The following LOXL2 variants were observed in gnomAD, a reference collection of about 807,000 sequenced individuals.
The protein encoded by LOXL2 is lysyl oxidase homolog 2.
LOXL2 carries 70 observed loss-of-function variants against 93.0 expected under a neutral mutation model. That is an observed-to-expected ratio of 0.75 (90% CI 0.62 to 0.92). The LOEUF (loss-of-function observed/expected upper bound fraction) is 0.92. Among genes scored for constraint, LOXL2 ranks in the 40% least tolerant of loss-of-function variants. The pLI, the probability that LOXL2 is intolerant of heterozygous loss-of-function variation, is 0.00. For synonymous variants in LOXL2, 438 were observed against 413.2 expected (o/e 1.06, Z -0.73); for missense variants, 973 against 1,054.9 (o/e 0.92, Z 1.08).
At chr8:23,370,242 T>TCCATC (rs1804473892) in intron 1 of LOXL2, among the ~76,000 whole-genome samples, 1 of 152,068 alleles carries the variant, frequency 6.6e-6, no homozygotes, top group Admixed American at 6.6e-5. Context: ...ACAACGCGCC[T>TCCATC]CCATCCCCTC....
intron 1 of LOXL2, among the ~76,000 whole-genome samples, chr8:23,396,676 A>T (rs1249503133): frequency 6.6e-6 from 1 of 152,258 alleles, no homozygotes; most frequent in African/African-American, 2.4e-5. Flanking sequence ...CAGATTATTA[A>T]CTGTGTTCTT....
intron 3 of LOXL2, among the ~76,000 whole-genome samples, chr8:23,355,287 G>T (rs73224479): frequency 0.13 from 18,831 of 150,276 alleles, 1,457 homozygotes; most frequent in Admixed American, 0.18. Context: ...CATGGTAGTA[G>T]TTCAAGTATT....
At chr8:23,341,305 C>A in intron 3 of LOXL2, 102 bp from the exon 4 acceptor site, 1 of 954,984 alleles carries the variant, frequency 1.0e-6, no homozygotes, top group Non-Finnish European at 1.6e-6. Context: ...CCAGGCCTGC[C>A]GCGGGCCTGC....
chr8:23,355,977 T>C (rs1268385787), intron 3 of LOXL2, among the ~76,000 whole-genome samples: 3 of 152,124 alleles, frequency 2.0e-5, no homozygotes, highest in Non-Finnish European at 4.4e-5. Context: ...ACTGTTTTTT[T>C]CCCCATGAAC....
At chr8:23,313,661 G>C (rs74836369) in intron 9 of LOXL2, among the ~76,000 whole-genome samples, 100,863 of 149,298 alleles carry the variant, frequency 0.68, 34,796 homozygotes, top group South Asian at 0.84. Context: ...ATGGATTAAA[G>C]ACTTAAACAT....
At chr8:23,348,488 A>T (rs1180795518) in intron 3 of LOXL2, among the ~76,000 whole-genome samples, 1 of 151,904 alleles carries the variant, frequency 6.6e-6, no homozygotes, top group Non-Finnish European at 1.5e-5. Flanking sequence ...GAATCACTTG[A>T]GCCCAGGAGT....
chr8:23,376,769 TG>T (rs1804600441), intron 1 of LOXL2, among the ~76,000 whole-genome samples: 1 of 152,244 alleles, frequency 6.6e-6, no homozygotes, highest in South Asian at 2.1e-4. Flanking sequence ...TGTATTTCTG[TG>T]GGATCAGTGG....
chr8:23,385,529 G>A (rs890374132), intron 1 of LOXL2, among the ~76,000 whole-genome samples: 3 of 151,880 alleles, frequency 2.0e-5, no homozygotes, highest in Non-Finnish European at 4.4e-5. Context: ...CAAAGTGCTG[G>A]GATTACAGGC....
At chr8:23,402,169 T>C (rs572949755) in intron 1 of LOXL2, among the ~76,000 whole-genome samples, 4 of 151,808 alleles carry the variant, frequency 2.6e-5, no homozygotes, top group Admixed American at 2.0e-4. Context: ...TGCACACACA[T>C]TGCGTGCACA....
chr8:23,313,308 T>C, intron 9 of LOXL2, among the ~76,000 whole-genome samples: 1 of 152,110 alleles, frequency 6.6e-6, no homozygotes, highest in Non-Finnish European at 1.5e-5. Context: ...TTAAAGTTCA[T>C]GTGGAGCCAA....
intron 3 of LOXL2, among the ~76,000 whole-genome samples, chr8:23,355,519 T>TC (rs1440784654): frequency 1.1e-5 from 1 of 91,642 alleles, no homozygotes; most frequent in African/African-American, 4.3e-5. Context: ...TCACTTTTTT[T>TC]TTTTTTTTTT....
chr8:23,399,253 C>A (rs767584574), intron 1 of LOXL2, among the ~76,000 whole-genome samples: 1 of 152,166 alleles, frequency 6.6e-6, no homozygotes, highest in Non-Finnish European at 1.5e-5. Context: ...GGGAAATGGA[C>A]GATGACAGTA....
chr8:23,367,869 TG>T, intron 2 of LOXL2, 127 bp downstream of exon 2: 1 of 757,330 alleles, frequency 1.3e-6, no homozygotes. Flanking sequence ...TGCCAGTCCC[TG>T]GATGGGCATC....
chr8:23,329,915 G>T (rs1322880405), intron 5 of LOXL2, among the ~76,000 whole-genome samples: 1 of 151,918 alleles, frequency 6.6e-6, no homozygotes, highest in Non-Finnish European at 1.5e-5. Context: ...GTGGGGTGCT[G>T]GGACAGCACC....
At chr8:23,301,239 G>A (rs1005167116) in intron 12 of LOXL2, among the ~76,000 whole-genome samples, 2 of 152,226 alleles carry the variant, frequency 1.3e-5, no homozygotes, top group African/African-American at 4.8e-5. Context: ...GTGAGAGGGT[G>A]AGATAAAGCT....
At chr8:23,301,877 G>T in intron 12 of LOXL2, 150 bp downstream of exon 12, 1 of 917,028 alleles carries the variant, frequency 1.1e-6, no homozygotes, top group Non-Finnish European at 1.6e-6. Flanking sequence ...TGGGTTAACT[G>T]ATGGACCGTG....
At chr8:23,356,506 C>G (rs762965816) in intron 3 of LOXL2, among the ~76,000 whole-genome samples, 1 of 152,178 alleles carries the variant, frequency 6.6e-6, no homozygotes, top group African/African-American at 2.4e-5. Flanking sequence ...TAAGCATGAG[C>G]CTTAGCCACA....
Position 23,309,802 on chromosome 8 carries a change from G to C in LOXL2, c.1746C>G (p.Ala582=). 6.2e-7 allele frequency: 1 copy of C among 1,604,166 alleles called. No individual in the cohort carries two copies. The highest frequency in any genetic ancestry group is 8.5e-7 in the Non-Finnish European group (1 of 1,175,616). ...QCAMEENCLS[A]SAAQTDPTTG... is the part of the protein sequence containing the mutation. Reference sequence around the variant, plus strand: ...TGGTGGGGTCGGTCTGCGCGGCTGAGGCCGAGAGGCAGTTCTCCTCCATGG... The same window carrying C: ...TGGTGGGGTCGGTCTGCGCGGCTGACGCCGAGAGGCAGTTCTCCTCCATGG... Residue 582 remains alanine, a synonymous_variant, in exon 10 of 14, where the codon GCC becomes GCG. Transcript: ENST00000389131.
In LOXL2 at chr8:23,358,877, T is replaced by C. The variant is rs539799868; in HGVS notation, c.531+1213A>G. 1.1e-4 allele frequency among the ~76,000 whole-genome samples: 16 copies of C among 150,000 alleles called. No individual in the cohort carries two copies. The South Asian group carries it at 3.4e-3, about 32-fold the overall frequency. On this transcript the variant is annotated intron_variant, in intron 3 of 13. Transcript: ENST00000389131. ...TTTTTTTTTTCAGACAGTCTCGCTC[T>C]GTCACCCAGGCTGGAGTGCAGTGGT...
Sources: allele counts gnomAD v4.1 joint callset (sites outside exome capture counted in the v4.1 genomes callset), GRCh38; gene constraint gnomAD v4.1.1; transcripts MANE v1.5; gene names NCBI Gene and HGNC (gene_info 2026-07-23, HGNC 2026-07-21).